GPC5: variants seen among roughly 807,000 people sequenced by gnomAD.
The protein encoded by GPC5 is glypican-5.
A neutral mutation model predicts 53.9 loss-of-function variants in GPC5; 47 were observed. The observed-to-expected ratio is 0.87, with a 90% CI of 0.69 to 1.11. The LOEUF (loss-of-function observed/expected upper bound fraction) is 1.11. Ranked by LOEUF, GPC5 falls within the 50% of genes most tolerant of loss-of-function variation. The pLI, the probability that GPC5 is intolerant of heterozygous loss-of-function variation, is 0.00. For missense variants in GPC5, 748 were observed against 713.1 expected (o/e 1.05, Z -0.56); for synonymous variants, 286 against 263.3 (o/e 1.09, Z -0.84).
intron 7 of GPC5, among the ~76,000 whole-genome samples, chr13:92,304,230 A>G (rs1341001754): frequency 6.7e-6 from 1 of 149,526 alleles, no homozygotes; most frequent in Admixed American, 6.7e-5. Flanking sequence ...TTTTAGACAG[A>G]GTCTCTCTCT....
chr13:91,720,484 T>C (rs1266039970), intron 3 of GPC5, among the ~76,000 whole-genome samples: 8 of 152,138 alleles, frequency 5.3e-5, no homozygotes, highest in African/African-American at 1.9e-4. Flanking sequence ...TTGAGCTTCA[T>C]CTCAGAATCA....
At chr13:91,773,578 CAGAT>C (rs2037662035) in intron 5 of GPC5, among the ~76,000 whole-genome samples, 1 of 152,100 alleles carries the variant, frequency 6.6e-6, no homozygotes, top group African/African-American at 2.4e-5. Context: ...ATTTTGAGTG[CAGAT>C]ATTTTGGTTA....
At chr13:92,788,998 G>A (rs1295901886) in intron 7 of GPC5, among the ~76,000 whole-genome samples, 5 of 152,256 alleles carry the variant, frequency 3.3e-5, no homozygotes, top group Non-Finnish European at 7.4e-5. Context: ...AAGTCTCAGT[G>A]TATGGCACAC....
chr13:92,258,668 G>T (rs987491553), intron 7 of GPC5, among the ~76,000 whole-genome samples: 18 of 152,120 alleles, frequency 1.2e-4, no homozygotes, highest in Non-Finnish European at 2.1e-4. Context: ...AATGGTAATT[G>T]GTAAAGCCTC....
At chr13:92,063,327 C>T (rs182966217) in intron 6 of GPC5, among the ~76,000 whole-genome samples, 76 of 152,136 alleles carry the variant, frequency 5.0e-4, no homozygotes, top group South Asian at 8.3e-4. Flanking sequence ...ACTTTTATTT[C>T]TTACTAACTT....
intron 7 of GPC5, among the ~76,000 whole-genome samples, chr13:92,459,064 C>G (rs1878383691): frequency 6.6e-6 from 1 of 152,096 alleles, no homozygotes; most frequent in African/African-American, 2.4e-5. Context: ...AAGCATATAA[C>G]TATGCTTTGT....
intron 7 of GPC5, among the ~76,000 whole-genome samples, chr13:92,339,120 G>A (rs2043345955): frequency 6.6e-6 from 1 of 151,574 alleles, no homozygotes; most frequent in Non-Finnish European, 1.5e-5. Flanking sequence ...TCAAAGAACA[G>A]GTCATAGAGG....
intron 7 of GPC5, among the ~76,000 whole-genome samples, chr13:92,424,811 T>C (rs9561042): frequency 1.2e-5 from 1 of 82,740 alleles, no homozygotes; most frequent in Non-Finnish European, 2.2e-5. Context: ...AATATTCATC[T>C]ATTCATTCAT....
intron 7 of GPC5, among the ~76,000 whole-genome samples, chr13:92,255,195 A>G (rs1386616929): frequency 6.6e-6 from 1 of 152,144 alleles, no homozygotes; most frequent in African/African-American, 2.4e-5. Flanking sequence ...CAGGGATGTG[A>G]AGGATAACTG....
intron 7 of GPC5, among the ~76,000 whole-genome samples, chr13:92,461,972 A>G (rs1218197131): frequency 6.6e-6 from 1 of 152,206 alleles, no homozygotes; most frequent in Non-Finnish European, 1.5e-5. Context: ...GGAAAAGCCC[A>G]AAGGCTCAGG....
chr13:92,219,821 A>G (rs1313778567), intron 7 of GPC5, among the ~76,000 whole-genome samples: 1 of 152,146 alleles, frequency 6.6e-6, no homozygotes, highest in Non-Finnish European at 1.5e-5. Context: ...ATTTACATAG[A>G]GTGTAAAGCA....
intron 7 of GPC5, among the ~76,000 whole-genome samples, chr13:92,595,089 A>T (rs1883826775): frequency 6.6e-6 from 1 of 152,188 alleles, no homozygotes; most frequent in South Asian, 2.1e-4. Flanking sequence ...AGATTCAAGA[A>T]GGCAGAGATC....
chr13:92,193,787 A>G (rs1190112300), intron 7 of GPC5, among the ~76,000 whole-genome samples: 2 of 152,206 alleles, frequency 1.3e-5, no homozygotes, highest in African/African-American at 2.4e-5. Flanking sequence ...CATGTACACT[A>G]CATTCTCTTT....
In GPC5 at chr13:91,544,246, G is replaced by A. The variant is rs117133847; in HGVS notation, c.325+95324G>A. On this transcript the variant is annotated intron_variant, in intron 2 of 7. Coordinates refer to ENST00000377067, the MANE Select transcript of GPC5 (RefSeq NM_004466.6). The stretch of plus-strand genomic sequence containing the variant: ...GGAATTTTGTTTTTTGTTAAGGTTG[G>A]TCATTTTATGTATTTAATATTTTAA... Among the ~76,000 whole-genome samples, 1,227 of 152,040 alleles carry A rather than the reference G, an allele frequency of 8.1e-3. 9 individuals carry two copies. The highest frequency in any genetic ancestry group is 0.02 in the Middle Eastern group (6 of 294).
At chr13:92,720,897 G>C (rs1050706756) in intron 7 of GPC5, among the ~76,000 whole-genome samples, 9 of 152,052 alleles carry the variant, frequency 5.9e-5, no homozygotes, top group Admixed American at 3.3e-4. Flanking sequence ...CAAAACGTAG[G>C]AAAAGATGTG....
chr13:91,714,405 A>C (rs1317995661), intron 3 of GPC5, among the ~76,000 whole-genome samples: 1 of 152,248 alleles, frequency 6.6e-6, no homozygotes, highest in Non-Finnish European at 1.5e-5. Context: ...TGCAAGGTTC[A>C]TAAGTAATGC....
intron 7 of GPC5, among the ~76,000 whole-genome samples, chr13:92,621,584 GACAAAGTGGGGGATC>G (rs1379482886): frequency 2.0e-5 from 3 of 152,062 alleles, no homozygotes; most frequent in African/African-American, 7.2e-5. Flanking sequence ...ACTTTGGGAG[GACAAAGTGGGGGATC>G]ACCTGTGGTC....
intron 6 of GPC5, among the ~76,000 whole-genome samples, chr13:91,968,163 A>G (rs961373348): frequency 3.9e-5 from 6 of 152,130 alleles, no homozygotes; most frequent in Non-Finnish European, 8.8e-5. Flanking sequence ...GTTTAATTAC[A>G]TTCTTGATTT....
Position 92,094,237 on chromosome 13 carries a change from C to T in GPC5, c.1402-50593C>T, listed in dbSNP as rs559440175. Reference sequence around the variant, plus strand: ...TGTAAATATTTAAGAAACTTTTCGGCCGGGCACGGTGGCTCACGCCTGTTT... The same window carrying T: ...TGTAAATATTTAAGAAACTTTTCGGTCGGGCACGGTGGCTCACGCCTGTTT... On this transcript the variant is annotated intron_variant, in intron 6 of 7. Coordinates refer to ENST00000377067, the MANE Select transcript of GPC5 (RefSeq NM_004466.6). Among the ~76,000 whole-genome samples the T allele has an allele frequency of 4.9e-4, 74 of 152,184 alleles. 1 individual carries two copies. In the South Asian group the frequency reaches 0.015, roughly 31 times the overall value.
Sources: allele counts gnomAD v4.1 joint callset (sites outside exome capture counted in the v4.1 genomes callset), GRCh38; gene constraint gnomAD v4.1.1; transcripts MANE v1.5; gene names NCBI Gene and HGNC (gene_info 2026-07-23, HGNC 2026-07-21).